Variants in MXRA5 observed in about 807,000 individuals in gnomAD.
MXRA5 encodes matrix-remodeling-associated protein 5.
A neutral mutation model predicts 112.5 loss-of-function variants in MXRA5; 41 were observed. The ratio of observed to expected loss-of-function variants is 0.36; its 90% CI spans 0.28 to 0.47. The LOEUF is 0.47. Ranked by LOEUF, MXRA5 falls within the 20% of genes least tolerant of loss-of-function variation. MXRA5 has a pLI of 0.99. For synonymous variants in MXRA5, 862 were observed against 900.8 expected (o/e 0.96, Z 0.77); for missense variants, 2,150 against 2,251.0 (o/e 0.96, Z 0.91).
At chrX:3,343,401 T>C (rs1922033024) in intron 2 of MXRA5, among the ~76,000 whole-genome samples, 1 of 112,369 alleles carries the variant, frequency 8.9e-6, no homozygotes, top group East Asian at 2.8e-4. Flanking sequence ...TTCATGCTGC[T>C]CGTTAATAGA....
intron 4 of MXRA5, among the ~76,000 whole-genome samples, chrX:3,329,319 A>AGAAGGAAGGAATGAAGGAAAAAAGAAT: frequency 1.1e-5 from 1 of 88,446 alleles, no homozygotes; most frequent in Non-Finnish European, 2.2e-5. Flanking sequence ...GAAGGAAAAA[A>AGAAGGAAGGAATGAAGGAAAAAAGAAT]GAAGGAAGGA....
At position 3,336,918 on chromosome X, in the gene MXRA5, T is replaced by A. The variant is rs765824683; in HGVS notation, c.189-6145A>T. Among the ~76,000 whole-genome samples, 3 of 112,074 alleles carry A rather than the reference T, an allele frequency of 2.7e-5. No individual in the cohort carries two copies. In the East Asian group the frequency reaches 8.4e-4, roughly 31 times the overall value. On this transcript the variant is annotated intron_variant, in intron 2 of 6. Transcript: ENST00000217939. ...TCTGCAACGCAGTCACAGCTATAAT[T>A]TGAGCTTTGTGTGTCTGCAAGTTAC...
rs1375240436 is a variant in MXRA5, at chrX:3,322,370, A to G, written c.3315T>C (p.Ser1105=). 5.0e-6 allele frequency: 6 copies of G among 1,209,219 alleles called. No individual in the cohort carries two copies. The African/African-American group carries it at 5.3e-5, about 11-fold the overall frequency. Residue 1105 remains serine (S), a synonymous_variant, in exon 5 of 7, where the codon AGT becomes AGC. Transcript: ENST00000217939. ...CCGCAGGCTTCTTAACTGGAGACATACTGCTCATTATACCCAGTGTGGAGT... is the reference window on the plus strand; with the variant it reads ...CCGCAGGCTTCTTAACTGGAGACATGCTGCTCATTATACCCAGTGTGGAGT... ...LPDSTLGIMS[S]MSPVKKPAET...
intron 6 of MXRA5, among the ~76,000 whole-genome samples, chrX:3,314,150 C>T (rs1358797225): frequency 1.8e-5 from 2 of 112,323 alleles, no homozygotes; most frequent in Non-Finnish European, 3.8e-5. Flanking sequence ...TAGTTGGACT[C>T]CATTTTACCT....
At chrX:3,334,621 G>A (rs1043963907) in intron 2 of MXRA5, among the ~76,000 whole-genome samples, 2 of 111,668 alleles carry the variant, frequency 1.8e-5, no homozygotes, top group Non-Finnish European at 3.8e-5. Flanking sequence ...GGGGAATAAT[G>A]AGCAATATGT....
At position 3,310,843 on chromosome X, in the gene MXRA5, C is replaced by T. The variant is rs1446046382; in HGVS notation, c.7360G>A (p.Glu2454Lys). 3 of 1,207,123 alleles carry T rather than the reference C, an allele frequency of 2.5e-6. No homozygotes were observed. The highest frequency in any genetic ancestry group is 5.9e-5 in the East Asian group (2 of 33,653). The change falls in exon 7 of 7, where the codon GAG becomes AAG. Residue 2454 changes from glutamate to lysine, a missense_variant. Coordinates refer to ENST00000217939, the MANE Select transcript of MXRA5 (RefSeq NM_015419.4). ...TTCCGACTGCCCCCGGCTGCTATCTCCCGCACAGTGGTGATGGGGTTGGGG... is the reference window on the plus strand; with the variant it reads ...TTCCGACTGCCCCCGGCTGCTATCTTCCGCACAGTGGTGATGGGGTTGGGG... ...GNPNPITTVR[E>K]IAAGGSRKLI...
At position 3,322,237 on chromosome X, in the gene MXRA5, T is replaced by C. The variant is rs774128499; in HGVS notation, c.3448A>G (p.Arg1150Gly). ...CGTAATCTCCTTCTCCCGTTGGGTCTCCTTCGAGAAGGGTGAGTGCTCATG... is the reference window on the plus strand; with the variant it reads ...CGTAATCTCCTTCTCCCGTTGGGTCCCCTTCGAGAAGGGTGAGTGCTCATG... ...STMSTHPSRR[R>G]PNGRRRLRPN... Residue 1150 changes from arginine to glycine, a missense_variant, in exon 5 of 7, where the codon AGA becomes GGA. Arg to Gly is a moderately radical substitution (Grantham distance 125). This residue lies in a region of MXRA5 where 1,485 missense variants were observed against 1,471.6 expected (regional missense o/e 1.01). Transcript: ENST00000217939. 3.9e-5 allele frequency: 47 copies of C among 1,192,821 alleles called. No homozygotes were observed. In the Middle Eastern group the frequency reaches 1.4e-3, roughly 36 times the overall value.
chrX:3,311,689 C>G (rs995778901), intron 6 of MXRA5, 65 bp from the exon 7 acceptor site: 31 of 954,475 alleles, frequency 3.2e-5, no homozygotes, highest in Non-Finnish European at 4.2e-5. Flanking sequence ...GGCATTAGGT[C>G]GCTGGAATAA....
rs891248743 is a variant in MXRA5, at chrX:3,323,477, TTTC to T, written c.2205_2207del (p.Lys736del). ...TCAGCTTTCTTCTCCCTTTCTTGGCTTTCTTGTCTCCATTGATGGCATCATCCT... is the reference window on the plus strand; with the variant it reads ...TCAGCTTTCTTCTCCCTTTCTTGGCTTTGTCTCCATTGATGGCATCATCCT... On this transcript the variant is annotated inframe_deletion, in exon 5 of 7. Coordinates refer to ENST00000217939, the MANE Select transcript of MXRA5 (RefSeq NM_015419.4). 1 of 1,210,406 alleles carries T rather than the reference TTTC, an allele frequency of 8.3e-7. No individual in the cohort carries two copies. Among genetic ancestry groups the T allele is most frequent in the Non-Finnish European group, 1.1e-6 (1 of 895,386 alleles).
At chrX:3,314,602 G>A (rs1921044338) in intron 6 of MXRA5, among the ~76,000 whole-genome samples, 1 of 111,488 alleles carries the variant, frequency 9.0e-6, no homozygotes. Context: ...ATGGATGGAT[G>A]GATAAGCAGG....
At chrX:3,326,330 GTATC>G (rs1229212504) in intron 4 of MXRA5, among the ~76,000 whole-genome samples, 3 of 95,094 alleles carry the variant, frequency 3.2e-5, no homozygotes, top group Non-Finnish European at 6.1e-5. Flanking sequence ...TAATCAATAT[GTATC>G]TATCTAGGAA....
chrX:3,320,412 A>G lies in MXRA5; in HGVS notation c.5273T>C (p.Val1758Ala). ...TGGAATAACTTTTCTCTCTCTCATTACTGGGGCAGGAGAAGTGGGTATCTG... is the reference window on the plus strand; with the variant it reads ...TGGAATAACTTTTCTCTCTCTCATTGCTGGGGCAGGAGAAGTGGGTATCTG... ...RPQIPTSPAPVMRERKVIPGS... is the reference protein window; with the variant it reads ...RPQIPTSPAPAMRERKVIPGS... Residue 1758 changes from valine (V) to alanine (A), a missense_variant, in exon 5 of 7, where the codon GTA (valine) becomes GCA (alanine). Val to Ala is a moderately conservative substitution (Grantham distance 64). Coordinates refer to ENST00000217939, the MANE Select transcript of MXRA5 (RefSeq NM_015419.4). 1.6e-5 allele frequency: 19 copies of G among 1,211,735 alleles called. No homozygotes were observed. Among genetic ancestry groups the G allele is most frequent in the Non-Finnish European group, 1.8e-5 (16 of 895,452 alleles).
chrX:3,316,827 C>T (rs1441761115), intron 6 of MXRA5, among the ~76,000 whole-genome samples: 3 of 109,045 alleles, frequency 2.8e-5, no homozygotes, highest in Non-Finnish European at 5.7e-5. Context: ...CAGACGCTCG[C>T]CACAATGCCC....
Position 3,311,505 on chromosome X carries a change from A to T in MXRA5, c.6698T>A (p.Val2233Glu), listed in dbSNP as rs769686870. The T allele has an allele frequency of 7.4e-6, 9 of 1,209,807 alleles. No homozygotes were observed. In the Admixed American group the frequency reaches 2.0e-4, roughly 26 times the overall value. The change falls in exon 7 of 7, where the codon GTG becomes GAG. Residue 2233 changes from valine (V) to glutamate (E), a missense_variant. By Grantham distance (121) the Val-to-Glu change is moderately radical. Coordinates refer to ENST00000217939, the MANE Select transcript of MXRA5 (RefSeq NM_015419.4). Reference sequence around the variant, plus strand: ...TTTCATCACCACATCCACTTTGAGCACCACGTAGTCATCACCAACCTTATT... The same window carrying T: ...TTTCATCACCACATCCACTTTGAGCTCCACGTAGTCATCACCAACCTTATT... ...ARNKVGDDYV[V>E]LKVDVVMKPA...
chrX:3,320,897 A>T lies in MXRA5; in HGVS notation c.4788T>A (p.Asp1596Glu), dbSNP rs149268030. ...GTTGATGAGAAGCATGAACTCTTCC[A>T]TCCTGGCGTTGGCTATCTGGGCCAC... ...LPRGPDSQRQ[D>E]GRVHASHQLT... is the part of the protein sequence containing the mutation. Residue 1596 changes from aspartate to glutamate, a missense_variant, in exon 5 of 7, where the codon GAT (aspartate) becomes GAA (glutamate). Asp to Glu is a conservative substitution (Grantham distance 45). Around this residue, in one of 6 missense-constraint regions of MXRA5, gnomAD observed 1,485 missense variants for 1,471.6 expected, o/e 1.01. Coordinates refer to ENST00000217939, the MANE Select transcript of MXRA5 (RefSeq NM_015419.4). The T allele has an allele frequency of 1.1e-3, 1,288 of 1,210,271 alleles. 4 individuals carry two copies. The highest frequency in any genetic ancestry group is 1.4e-3 in the Non-Finnish European group (1,251 of 895,372).
At position 3,321,373 on chromosome X, in the gene MXRA5, C is replaced by A. The variant is rs1921298952; in HGVS notation, c.4312G>T (p.Gly1438Cys). ...VSTPFHQEEA[G>C]SSTTLSSIKV... is the part of the protein sequence containing the mutation. ...ATGCTTGAGAGAGTTGTGGAAGAAC[C>A]AGCTTCTTCCTGGTGAAATGGTGTG... is the stretch of plus-strand genomic sequence containing the variant. Residue 1438 changes from glycine (G) to cysteine (C), a missense_variant, in exon 5 of 7, where the codon GGT (glycine) becomes TGT (cysteine). By Grantham distance (159) the Gly-to-Cys change is radical. This residue lies in a region of MXRA5 where 1,485 missense variants were observed against 1,471.6 expected (regional missense o/e 1.01). Transcript: ENST00000217939. 8.3e-7 allele frequency: 1 copy of A among 1,211,625 alleles called. No homozygotes were observed. The highest frequency in any genetic ancestry group is 1.1e-6 in the Non-Finnish European group (1 of 895,343).
chrX:3,338,584 T>A (rs1921836369), intron 2 of MXRA5, among the ~76,000 whole-genome samples: 1 of 110,846 alleles, frequency 9.0e-6, no homozygotes, highest in South Asian at 3.9e-4. Flanking sequence ...GGTAGGTAGA[T>A]AGATTATTGA....
intron 2 of MXRA5, among the ~76,000 whole-genome samples, chrX:3,340,160 G>T (rs1487759732): frequency 8.9e-6 from 1 of 111,842 alleles, no homozygotes; most frequent in Non-Finnish European, 1.9e-5. Context: ...CTTTTAGTTT[G>T]TCCAAGCAGG....
In MXRA5 at chrX:3,322,262, G is replaced by A; in HGVS notation, c.3423C>T (p.Thr1141=). ...TPRQKVAPSS[T]MSTHPSRRRP... ...TCCTTCGAGAAGGGTGAGTGCTCATGGTGGATGACGGAGCAACTTTTTGCC... is the reference window on the plus strand; with the variant it reads ...TCCTTCGAGAAGGGTGAGTGCTCATAGTGGATGACGGAGCAACTTTTTGCC... Residue 1141 remains threonine, a synonymous_variant, in exon 5 of 7, where the codon ACC becomes ACT. Coordinates refer to ENST00000217939, the MANE Select transcript of MXRA5 (RefSeq NM_015419.4). The A allele has an allele frequency of 8.3e-7, 1 of 1,203,329 alleles. No individual in the cohort carries two copies. Among genetic ancestry groups the A allele is most frequent in the Non-Finnish European group, 1.1e-6 (1 of 890,349 alleles).
Sources: allele counts gnomAD v4.1 joint callset (sites outside exome capture counted in the v4.1 genomes callset), GRCh38; gene constraint gnomAD v4.1.1; regional missense constraint gnomAD v4.1.1; transcripts MANE v1.5; gene names NCBI Gene and HGNC (gene_info 2026-07-23, HGNC 2026-07-21).